The following NDRG4 variants were observed in gnomAD, a reference collection of about 807,000 sequenced individuals.
The protein encoded by NDRG4 is NDRG family member 4.
A neutral mutation model predicts 55.8 loss-of-function variants in NDRG4; 38 were observed. The observed-to-expected ratio is 0.68, with a 90% confidence interval of 0.53 to 0.89. The LOEUF is 0.89. Ranked by LOEUF, NDRG4 falls within the 40% of genes least tolerant of loss-of-function variation. The pLI is 0.00. For missense variants in NDRG4, 455 were observed against 468.6 expected, an observed-to-expected ratio of 0.97 and a Z score of 0.27; for synonymous variants, 190 against 182.7, an observed-to-expected ratio of 1.04 and a Z score of -0.32.
chr16:58,481,347 T>C (rs1350843002), intron 1 of NDRG4, among the ~76,000 whole-genome samples: 1 of 152,202 alleles, frequency 6.6e-6, no homozygotes, highest in Non-Finnish European at 1.5e-5. Flanking sequence ...GAAAGGCATG[T>C]GCTTCCCATG....
intron 2 of NDRG4, chr16:58,494,885 T>G: frequency 5.1e-6 from 6 of 1,186,028 alleles, no homozygotes; most frequent in Non-Finnish European, 7.5e-6. Context: ...GGGACAGAAA[T>G]TGAGTCTGCT....
At chr16:58,511,369 A>G in intron 14 of NDRG4, 53 bp from the exon 15 acceptor site, 2 of 1,528,900 alleles carry the variant, frequency 1.3e-6, no homozygotes, top group Non-Finnish European at 8.8e-7. Context: ...TTCCCACCAG[A>G]GGCACCTGGC....
chr16:58,500,500 G>C, intron 1 of NDRG4: 1 of 564,938 alleles, frequency 1.8e-6, no homozygotes, highest in South Asian at 2.1e-5. Flanking sequence ...GCAGGGGCTG[G>C]GGGGAGCGTG....
intron 1 of NDRG4, among the ~76,000 whole-genome samples, chr16:58,472,632 AAGAG>A (rs1299821957): frequency 1.3e-5 from 2 of 152,110 alleles, no homozygotes; most frequent in African/African-American, 4.8e-5. Context: ...GACTGATACA[AAGAG>A]AGGAAGATGG....
chr16:58,471,747 G>A (rs543291103), intron 1 of NDRG4, among the ~76,000 whole-genome samples: 3 of 152,276 alleles, frequency 2.0e-5, no homozygotes, highest in African/African-American at 7.2e-5. Context: ...CAGTTCACCT[G>A]TTGGCGGGGG....
At chr16:58,479,736 A>G (rs1448601854) in intron 1 of NDRG4, among the ~76,000 whole-genome samples, 1 of 152,214 alleles carries the variant, frequency 6.6e-6, no homozygotes, top group Admixed American at 6.5e-5. Flanking sequence ...GACACAGGGA[A>G]CATCCGAGCG....
At chr16:58,506,723 G>A in intron 7 of NDRG4, 109 bp downstream of exon 7, 1 of 1,323,960 alleles carries the variant, frequency 7.6e-7, no homozygotes, top group Non-Finnish European at 1.1e-6. Context: ...GCTCACTCCA[G>A]ATGCTAAGCC....
At chr16:58,482,299 GT>G (rs889493481) in intron 1 of NDRG4, among the ~76,000 whole-genome samples, 1 of 152,180 alleles carries the variant, frequency 6.6e-6, no homozygotes, top group African/African-American at 2.4e-5. Context: ...CACCCCTGTG[GT>G]TGAAGGAACA....
intron 10 of NDRG4, 134 bp from the exon 11 acceptor site, chr16:58,508,828 C>CT (rs1003354793): frequency 7.8e-6 from 7 of 897,624 alleles, no homozygotes; most frequent in South Asian, 1.6e-5. Flanking sequence ...GAGGAGCAGC[C>CT]TGTCACAGCT....
At position 58,509,721 on chromosome 16, in the gene NDRG4, G is replaced by A. The variant is rs190864766; in HGVS notation, c.865+369G>A. On this transcript the variant is annotated intron_variant, in intron 13 of 14. Transcript: ENST00000570248. ...GGGGTGAGGCACACTCCCCTCACCC[G>A]CCCCAGGGCTTGGGGTCAGAGCTGG... Among the ~76,000 whole-genome samples, 152 of 152,288 alleles carry A rather than the reference G, an allele frequency of 1.0e-3. 1 individual carries two copies. The highest frequency in any genetic ancestry group is 3.6e-3 in the African/African-American group (148 of 41,564).
intron 1 of NDRG4, chr16:58,501,489 G>T: frequency 6.0e-6 from 1 of 167,476 alleles, no homozygotes; most frequent in Non-Finnish European, 1.3e-5. Context: ...TCGGCCCTGA[G>T]GGTTGGGGGC....
At chr16:58,506,689 C>A in intron 7 of NDRG4, 75 bp downstream of exon 7, 5 of 1,492,916 alleles carry the variant, frequency 3.3e-6, no homozygotes, top group Non-Finnish European at 4.5e-6. Flanking sequence ...AGGAGGCAGG[C>A]GGGTGTCTTT....
intron 1 of NDRG4, 160 bp downstream of exon 1, chr16:58,500,429 A>T: frequency 3.3e-6 from 3 of 921,430 alleles, no homozygotes; most frequent in Non-Finnish European, 4.6e-6. Context: ...AGAGTGCTCC[A>T]GGTTCCCTGG....
chr16:58,503,953 G>C, intron 2 of NDRG4, 50 bp downstream of exon 2: 1 of 1,597,040 alleles, frequency 6.3e-7, no homozygotes, highest in Non-Finnish European at 8.6e-7. Flanking sequence ...CCATCAGCCA[G>C]AGCGGTGAGG....
intron 5 of NDRG4, 190 bp from the exon 6 acceptor site, chr16:58,506,197 A>G (rs774637441): frequency 2.9e-6 from 2 of 680,866 alleles, no homozygotes; most frequent in South Asian, 3.0e-5. Flanking sequence ...TAGAGATTCT[A>G]AATAAATCCA....
chr16:58,494,877 G>C, intron 2 of NDRG4: 1 of 1,079,056 alleles, frequency 9.3e-7, no homozygotes, highest in African/African-American at 1.6e-5. Flanking sequence ...CAGACTAGGG[G>C]ACAGAAATTG....
At chr16:58,484,985 C>G (rs1461327267) in intron 1 of NDRG4, among the ~76,000 whole-genome samples, 1 of 151,566 alleles carries the variant, frequency 6.6e-6, no homozygotes, top group Non-Finnish European at 1.5e-5. Context: ...AGGTTCACGC[C>G]ATTCTCCTGC....
intron 1 of NDRG4, among the ~76,000 whole-genome samples, chr16:58,478,697 G>GTTTTTTTTTTTTTTTTTTTTTTTTTT (rs59525801): frequency 7.3e-6 from 1 of 137,756 alleles, no homozygotes; most frequent in Non-Finnish European, 1.5e-5. Flanking sequence ...TTTGTTTTTT[G>GTTTTTTTTTTTTTTTTTTTTTTTTTT]TTTTTTTTTT....
intron 2 of NDRG4, among the ~76,000 whole-genome samples, chr16:58,492,141 G>A (rs529941209): frequency 1.4e-4 from 21 of 152,256 alleles, no homozygotes; most frequent in Middle Eastern, 3.4e-3. Flanking sequence ...CAGTCCAGTG[G>A]GAAGTGAGGA....
Sources: gnomAD v4.1 joint callset for allele counts (sites outside exome capture counted in the v4.1 genomes callset) on GRCh38, gnomAD v4.1.1 for gene constraint, MANE v1.5 for transcripts, NCBI Gene and HGNC (gene_info 2026-07-23, HGNC 2026-07-21) for gene names.